Variants in MYO3A observed in about 807,000 individuals in gnomAD.
MYO3A encodes myosin-IIIa.
Under a neutral mutation model 192.7 loss-of-function variants are expected in MYO3A, and 180 were observed. That is an observed-to-expected ratio of 0.93 (90% CI 0.83 to 1.06). The LOEUF is 1.06. Ranked by LOEUF, MYO3A falls within the 50% of genes least tolerant of loss-of-function variation. MYO3A has a pLI of 0.00. For synonymous variants in MYO3A, 628 were observed against 645.3 expected (o/e 0.97, Z 0.41); for missense variants, 1,896 against 1,905.0 (o/e 1.00, Z 0.09).
intron 14 of MYO3A, among the ~76,000 whole-genome samples, chr10:26,078,162 C>T (rs1273823760): frequency 7.4e-6 from 1 of 134,500 alleles, no homozygotes; most frequent in Non-Finnish European, 1.6e-5. Context: ...TTTAAAATTA[C>T]AATTTCAATC....
chr10:26,050,321 A>T (rs1297347246), intron 10 of MYO3A, among the ~76,000 whole-genome samples: 2 of 152,196 alleles, frequency 1.3e-5, no homozygotes, highest in Non-Finnish European at 2.9e-5. Flanking sequence ...TACACTCACC[A>T]GTGACCCATC....
chr10:26,054,629 G>A (rs1036854525), intron 10 of MYO3A, among the ~76,000 whole-genome samples: 10 of 152,152 alleles, frequency 6.6e-5, no homozygotes, highest in African/African-American at 2.2e-4. Flanking sequence ...GAAATTATCC[G>A]GGATTAGTGG....
intron 17 of MYO3A, among the ~76,000 whole-genome samples, chr10:26,101,610 A>G (rs1465102857): frequency 3.3e-5 from 5 of 152,172 alleles, no homozygotes; most frequent in African/African-American, 9.7e-5. Context: ...AAAATCTCTC[A>G]GCATTTGCTT....
chr10:26,125,173 T>C (rs1042144861), intron 18 of MYO3A, among the ~76,000 whole-genome samples: 3 of 152,354 alleles, frequency 2.0e-5, no homozygotes, highest in African/African-American at 2.4e-5. Context: ...ATTTGGGTTA[T>C]GTTATAATAT....
intron 11 of MYO3A, among the ~76,000 whole-genome samples, chr10:26,068,409 A>C (rs12775421): frequency 2.0e-5 from 3 of 151,970 alleles, no homozygotes; most frequent in Non-Finnish European, 4.4e-5. Context: ...ATTAAATCAT[A>C]TTCACTTTAT....
At chr10:26,171,138 G>T (rs927605086) in intron 29 of MYO3A, among the ~76,000 whole-genome samples, 1 of 152,130 alleles carries the variant, frequency 6.6e-6, no homozygotes, top group Non-Finnish European at 1.5e-5. Context: ...TAGGCAAAGG[G>T]TACACTGGGG....
At chr10:26,007,845 C>T (rs1021598926) in intron 6 of MYO3A, among the ~76,000 whole-genome samples, 1 of 151,830 alleles carries the variant, frequency 6.6e-6, no homozygotes, top group Admixed American at 6.6e-5. Flanking sequence ...CCCCATCAAG[C>T]TACCAATGAC....
chr10:26,125,522 T>C lies in MYO3A; in HGVS notation c.2028T>C (p.Asp676=), dbSNP rs1053368912. The change falls in exon 19 of 35, where the codon GAT becomes GAC. Residue 676 remains aspartate (D), a synonymous_variant. Coordinates refer to ENST00000642920, the MANE Select transcript of MYO3A (RefSeq NM_017433.5). ...TAGAAAAAGCTACCGATGTCAGGGA[T>C]GCCATGGCTAAAACTTTATATGGAC... is the stretch of plus-strand genomic sequence containing the variant. ...NTVEKATDVR[D]AMAKTLYGRL... 3 of 1,614,082 alleles carry C rather than the reference T, an allele frequency of 1.9e-6. No individual in the cohort carries two copies. Among genetic ancestry groups the C allele is most frequent in the Non-Finnish European group, 2.5e-6 (3 of 1,179,940 alleles).
chr10:26,121,094 G>A (rs533078077), intron 18 of MYO3A, among the ~76,000 whole-genome samples: 19 of 151,808 alleles, frequency 1.3e-4, no homozygotes, highest in African/African-American at 4.4e-4. Flanking sequence ...TTAAAATTCA[G>A]TAAACTGATC....
At chr10:26,160,728 G>A (rs1339829056) in intron 26 of MYO3A, among the ~76,000 whole-genome samples, 1 of 152,188 alleles carries the variant, frequency 6.6e-6, no homozygotes, top group Non-Finnish European at 1.5e-5. Context: ...GAAAACAGGA[G>A]TTTTCTTGGT....
intron 20 of MYO3A, among the ~76,000 whole-genome samples, chr10:26,137,567 A>G (rs957288699): frequency 6.6e-6 from 1 of 152,216 alleles, no homozygotes; most frequent in African/African-American, 2.4e-5. Flanking sequence ...ACAGAATAAC[A>G]GCGATTTTAG....
rs17752341 is a variant in MYO3A, at chr10:26,190,966, T to A, written c.4439-2239T>A. ...TCACTCTCTTGGCAATTATTCAGCT[T>A]CTTGGCCATCTTCATTTTAATTAAT... On this transcript the variant is annotated intron_variant, in intron 31 of 34. Transcript: ENST00000642920. 1.7e-4 allele frequency among the ~76,000 whole-genome samples: 26 copies of A among 152,342 alleles called. No individual in the cohort carries two copies. In the East Asian group the frequency reaches 5.0e-3, roughly 29 times the overall value.
chr10:26,041,065 G>A (rs1300024986), intron 10 of MYO3A, among the ~76,000 whole-genome samples: 1 of 151,938 alleles, frequency 6.6e-6, no homozygotes, highest in East Asian at 1.9e-4. Context: ...ATATATCTGG[G>A]TGCTCCAGTG....
chr10:26,170,269 A>C, intron 28 of MYO3A, 147 bp from the exon 29 acceptor site: 1 of 830,074 alleles, frequency 1.2e-6, no homozygotes. Context: ...TTAATGAATC[A>C]CATTTTTAAG....
intron 4 of MYO3A, among the ~76,000 whole-genome samples, chr10:25,989,193 A>T (rs373983382): frequency 6.7e-6 from 1 of 149,582 alleles, no homozygotes; most frequent in Non-Finnish European, 1.5e-5. Flanking sequence ...TGATCCTTTC[A>T]CCTTGGCCTG....
chr10:25,961,214 A>C (rs1837909881), intron 4 of MYO3A, among the ~76,000 whole-genome samples: 1 of 152,136 alleles, frequency 6.6e-6, no homozygotes, highest in South Asian at 2.1e-4. Flanking sequence ...ATTCTGTCTA[A>C]TATTGGCCTA....
chr10:26,080,872 G>A (rs1001355635), intron 14 of MYO3A, among the ~76,000 whole-genome samples: 18 of 152,094 alleles, frequency 1.2e-4, no homozygotes, highest in Non-Finnish European at 2.4e-4. Flanking sequence ...GCTGCTGCTG[G>A]GGGTTGTCCA....
chr10:26,039,684 G>C (rs1226355912), intron 10 of MYO3A, among the ~76,000 whole-genome samples: 1 of 151,942 alleles, frequency 6.6e-6, no homozygotes, highest in Non-Finnish European at 1.5e-5. Flanking sequence ...GCTCATATTA[G>C]CTACCAAAGA....
chr10:26,192,552 C>T lies in MYO3A; in HGVS notation c.4439-653C>T, dbSNP rs548341518. ...TTTTTCTGGCAGCTTTGACCCCTGA[C>T]CTTATCCATCCTCTGAACTGCTCTA... On this transcript the variant is annotated intron_variant, in intron 31 of 34. Coordinates refer to ENST00000642920, the MANE Select transcript of MYO3A (RefSeq NM_017433.5). Among the ~76,000 whole-genome samples the T allele has an allele frequency of 2.6e-5, 4 of 152,156 alleles. No individual in the cohort carries two copies. The South Asian group carries it at 8.3e-4, about 32-fold the overall frequency.
Sources: allele counts gnomAD v4.1 joint callset (sites outside exome capture counted in the v4.1 genomes callset), GRCh38; gene constraint gnomAD v4.1.1; transcripts MANE v1.5; gene names NCBI Gene and HGNC (gene_info 2026-07-23, HGNC 2026-07-21).